The following UBE2L3 variants were observed in gnomAD, a reference collection of about 807,000 sequenced individuals.
UBE2L3 encodes ubiquitin-conjugating enzyme E2 L3.
UBE2L3 carries 1 observed loss-of-function variant against 17.8 expected under a neutral mutation model. That is an observed-to-expected ratio of 0.06 (90% CI 0.02 to 0.27). UBE2L3 has a LOEUF of 0.27. Ranked by LOEUF, UBE2L3 falls within the 10% of genes least tolerant of loss-of-function variation. The pLI is 1.00. For synonymous variants in UBE2L3, 44 were observed against 68.5 expected (o/e 0.64, Z 1.76); for missense variants, 40 against 192.6 (o/e 0.21, Z 4.69).
intron 2 of UBE2L3, among the ~76,000 whole-genome samples, chr22:21,598,170 G>A (rs373256540): frequency 1.1e-3 from 126 of 110,054 alleles, no homozygotes; most frequent in African/African-American, 3.5e-3. Flanking sequence ...CAATTTTGTT[G>A]ATCTCTTCAA....
intron 1 of UBE2L3, among the ~76,000 whole-genome samples, chr22:21,585,341 T>G (rs1445150002): frequency 6.6e-6 from 1 of 152,218 alleles, no homozygotes; most frequent in Non-Finnish European, 1.5e-5. Context: ...CAAGTCCAGG[T>G]CTTTACTGGA....
At chr22:21,614,624 C>T in intron 3 of UBE2L3, 1 of 1,367,384 alleles carries the variant, frequency 7.3e-7, no homozygotes. Flanking sequence ...CTCCTCAATT[C>T]ACAACCTGTA....
At chr22:21,607,055 TTGC>T (rs576949513) in intron 2 of UBE2L3, among the ~76,000 whole-genome samples, 8 of 152,168 alleles carry the variant, frequency 5.3e-5, no homozygotes, top group Non-Finnish European at 1.0e-4. Context: ...TTTAAGGCCC[TTGC>T]TCCATGCCTC....
At chr22:21,608,722 G>A (rs1056549696) in intron 2 of UBE2L3, among the ~76,000 whole-genome samples, 4 of 150,630 alleles carry the variant, frequency 2.7e-5, no homozygotes, top group Admixed American at 6.7e-5. Flanking sequence ...ACTGAGCCTG[G>A]CCCAGGCTAA....
At chr22:21,605,148 G>A (rs762133160) in intron 2 of UBE2L3, among the ~76,000 whole-genome samples, 31 of 152,130 alleles carry the variant, frequency 2.0e-4, no homozygotes, top group Admixed American at 2.0e-3. Flanking sequence ...TAAAAAAATT[G>A]TTAGCAACAA....
upstream of UBE2L3, among the ~76,000 whole-genome samples, chr22:21,563,426 G>C (rs1411496752): frequency 6.9e-6 from 1 of 144,852 alleles, no homozygotes; most frequent in African/African-American, 2.5e-5. Context: ...GCCAGGCGTG[G>C]TGGCGGGCTC....
intron 1 of UBE2L3, among the ~76,000 whole-genome samples, chr22:21,584,178 A>AT (rs374588807): frequency 0.026 from 3,391 of 132,758 alleles, 108 homozygotes; most frequent in African/African-American, 0.079. Flanking sequence ...TCTGGCCTAA[A>AT]TTTTTTTTTT....
At chr22:21,591,095 G>A (rs193211291) in intron 1 of UBE2L3, among the ~76,000 whole-genome samples, 1 of 152,326 alleles carries the variant, frequency 6.6e-6, no homozygotes, top group East Asian at 1.9e-4. Context: ...AGGACCAGGT[G>A]GCAGTTGGCA....
At chr22:21,598,022 A>C (rs569405753) in intron 2 of UBE2L3, among the ~76,000 whole-genome samples, 2 of 145,308 alleles carry the variant, frequency 1.4e-5, no homozygotes, top group East Asian at 4.0e-4. Flanking sequence ...GCTGGTCTTG[A>C]ACTCCTAGAC....
rs1601431499 is a variant in UBE2L3 at position 21,605,059 on chromosome 22, A to G, written c.124-5798A>G. On this transcript the variant is annotated intron_variant, in intron 2 of 3. Transcript: ENST00000342192. ...TTAACAACTAACAACTTAAAACTAT[A>G]GCCTCAAGCAGTCCTCCTACCTCAG... Among the ~76,000 whole-genome samples the G allele has an allele frequency of 2.6e-5, 4 of 152,180 alleles. No individual in the cohort carries two copies. In the East Asian group the frequency reaches 7.7e-4, roughly 29 times the overall value.
chr22:21,600,815 CAT>C (rs976470468), intron 2 of UBE2L3, among the ~76,000 whole-genome samples: 22 of 152,124 alleles, frequency 1.4e-4, no homozygotes, highest in African/African-American at 5.3e-4. Flanking sequence ...AGATGAATCT[CAT>C]GTGGCAGATT....
intron 1 of UBE2L3, among the ~76,000 whole-genome samples, chr22:21,575,631 C>CTTTTTTTTTT (rs533923826): frequency 5.5e-5 from 4 of 73,394 alleles, no homozygotes; most frequent in African/African-American, 2.3e-4. Context: ...AGTTGAATAG[C>CTTTTTTTTTT]TTTTTTTTTT....
At position 21,594,100 on chromosome 22, in the gene UBE2L3, C is replaced by G. The variant is rs5994629; in HGVS notation, c.123+1144C>G. On this transcript the variant is annotated intron_variant, in intron 2 of 3. Coordinates refer to ENST00000342192, the MANE Select transcript of UBE2L3 (RefSeq NM_003347.4). ...ACCCTTGTCCTGCGTGAGTGCCCTC[C>G]TTTCCTGTTCTTCCTCATCCACTCA... 6.0e-3 allele frequency among the ~76,000 whole-genome samples: 921 copies of G among 152,356 alleles called. 6 individuals carry two copies. The highest frequency in any genetic ancestry group is 0.021 in the African/African-American group (865 of 41,576).
upstream of UBE2L3, among the ~76,000 whole-genome samples, chr22:21,563,925 T>G (rs1183854149): frequency 6.6e-6 from 1 of 151,838 alleles, no homozygotes; most frequent in African/African-American, 2.4e-5. Flanking sequence ...AGGCCGGTCT[T>G]GAACTCCGGG....
intron 2 of UBE2L3, among the ~76,000 whole-genome samples, chr22:21,593,653 CCA>C (rs926084272): frequency 1.3e-5 from 2 of 152,146 alleles, no homozygotes; most frequent in African/African-American, 4.8e-5. Flanking sequence ...ATAATTAACT[CCA>C]GTTTGCAATC....
At chr22:21,621,328 A>T (rs563352955) in intron 3 of UBE2L3, among the ~76,000 whole-genome samples, 187 bp from the exon 4 acceptor site, 2 of 152,330 alleles carry the variant, frequency 1.3e-5, no homozygotes, top group South Asian at 4.1e-4. Context: ...GTGTCTTCTA[A>T]TCACAGAGGA....
In UBE2L3 at chr22:21,568,316, C is replaced by A. The variant is rs73400415; in HGVS notation, c.27+545C>A. 1.7e-3 allele frequency: 1,680 copies of A among 985,546 alleles called. 18 individuals carry two copies. The African/African-American group carries it at 0.027, about 16-fold the overall frequency. The allele number at this position is 985,546 out of a possible 1,614,324, so 61.1% of individuals were successfully genotyped here. The stretch of plus-strand genomic sequence containing the variant: ...AAGTTAGGTCAGTTTGTTGGTGGGT[C>A]GTTTGGAATTGCGCTGGGTCCTAGC... On this transcript the variant is annotated intron_variant, in intron 1 of 3. Coordinates refer to ENST00000342192, the MANE Select transcript of UBE2L3 (RefSeq NM_003347.4).
intron 3 of UBE2L3, chr22:21,614,781 C>T (rs1007856960): frequency 3.7e-5 from 11 of 301,332 alleles, no homozygotes; most frequent in Non-Finnish European, 5.4e-5. Flanking sequence ...AAAACTTGTA[C>T]ACAGATGTTC....
intron 1 of UBE2L3, among the ~76,000 whole-genome samples, chr22:21,571,320 C>T (rs1220466329): frequency 1.3e-5 from 2 of 152,196 alleles, no homozygotes; most frequent in African/African-American, 2.4e-5. Context: ...CCTAAGGGCC[C>T]TCCTGTTGAG....
Sources: allele counts gnomAD v4.1 joint callset (sites outside exome capture counted in the v4.1 genomes callset), GRCh38; gene constraint gnomAD v4.1.1; transcripts MANE v1.5; gene names NCBI Gene and HGNC (gene_info 2026-07-23, HGNC 2026-07-21).